Variants in POT1 observed in about 807,000 individuals in gnomAD.
POT1 encodes the protein protection of telomeres protein 1.
A neutral mutation model predicts 78.5 loss-of-function variants in POT1; 47 were observed. The observed-to-expected ratio is 0.60, with a 90% confidence interval of 0.47 to 0.76. The LOEUF is 0.76. Ranked by LOEUF, POT1 falls within the 30% of genes least tolerant of loss-of-function variation. The probability of loss-of-function intolerance (pLI) is 0.00; values close to 1 mark genes in which losing one functional copy is unlikely to be tolerated. For synonymous variants in POT1, 259 were observed against 260.7 expected (o/e 0.99, Z 0.06); for missense variants, 646 against 749.9 (o/e 0.86, Z 1.62).
chr7:124,869,823 C>T (rs552031152), intron 7 of POT1, among the ~76,000 whole-genome samples: 5 of 152,190 alleles, frequency 3.3e-5, no homozygotes, highest in South Asian at 4.2e-4. Flanking sequence ...TCAGGTGATC[C>T]GCCAGCATCA....
intron 5 of POT1, among the ~76,000 whole-genome samples, chr7:124,895,949 G>A (rs1444023892): frequency 1.3e-5 from 2 of 151,560 alleles, no homozygotes; most frequent in Non-Finnish European, 3.0e-5. Context: ...GACAATACAA[G>A]ATCAAATGAT....
At chr7:124,851,380 G>C (rs563539540) in intron 11 of POT1, among the ~76,000 whole-genome samples, 1 of 152,098 alleles carries the variant, frequency 6.6e-6, no homozygotes, top group African/African-American at 2.4e-5. Context: ...TTCAAGTTCA[G>C]ATTTGACTAG....
intron 6 of POT1, among the ~76,000 whole-genome samples, chr7:124,872,748 G>C (rs1795901864): frequency 6.6e-6 from 1 of 152,200 alleles, no homozygotes; most frequent in Admixed American, 6.5e-5. Flanking sequence ...CCAGTAGTGA[G>C]ATTATGGGAT....
chr7:124,887,319 CA>C (rs1796270271), intron 6 of POT1, among the ~76,000 whole-genome samples: 1 of 152,082 alleles, frequency 6.6e-6, no homozygotes, highest in Non-Finnish European at 1.5e-5. Flanking sequence ...GGATTTTCCA[CA>C]AAACATTCTT....
Position 124,829,303 on chromosome 7 carries a change from T to C in POT1, c.1545A>G (p.Leu515=), listed in dbSNP as rs1794704486. 5 of 1,604,362 alleles carry C rather than the reference T, an allele frequency of 3.1e-6. No homozygotes were observed. The highest frequency in any genetic ancestry group is 1.7e-5 in the Admixed American group (1 of 59,952). The change falls in exon 16 of 19, where the codon CTA becomes CTG. Residue 515 remains leucine (L), a synonymous_variant. Coordinates refer to ENST00000357628, the MANE Select transcript of POT1 (RefSeq NM_015450.3). ...ACGATGTTTTATCAACCAGGGAATT[T>C]AGATTTTGTATGGATCTCAAACTAG... is the stretch of plus-strand genomic sequence containing the variant. The part of the protein sequence containing the change: ...QCSSLRSIQN[L]NSLVDKTSWI...
At chr7:124,901,506 C>T (rs1204310833) in intron 3 of POT1, among the ~76,000 whole-genome samples, 1 of 152,116 alleles carries the variant, frequency 6.6e-6, no homozygotes, top group Non-Finnish European at 1.5e-5. Context: ...GACATCCACA[C>T]CAAAAACCCA....
intron 3 of POT1, among the ~76,000 whole-genome samples, chr7:124,914,028 G>A (rs1245388274): frequency 6.6e-6 from 1 of 151,626 alleles, no homozygotes; most frequent in Non-Finnish European, 1.5e-5. Flanking sequence ...CCAGCTACTC[G>A]GGAGGCTGAG....
chr7:124,827,573 T>C (rs1256894000), intron 16 of POT1, among the ~76,000 whole-genome samples: 4 of 152,174 alleles, frequency 2.6e-5, no homozygotes, highest in Non-Finnish European at 4.4e-5. Flanking sequence ...CTGCGCTGAT[T>C]GCTGTGGTGG....
chr7:124,926,027 C>A (rs547502790), intron 2 of POT1, among the ~76,000 whole-genome samples: 12 of 152,158 alleles, frequency 7.9e-5, no homozygotes, highest in Non-Finnish European at 1.6e-4. Context: ...AGGAAAAACT[C>A]TTCTAGATAT....
chr7:124,864,651 T>C (rs1015769681), intron 7 of POT1, among the ~76,000 whole-genome samples: 6 of 152,224 alleles, frequency 3.9e-5, no homozygotes, highest in Non-Finnish European at 8.8e-5. Flanking sequence ...CTATGTACTT[T>C]CTACTTTCCA....
At chr7:124,918,945 G>A (rs955005241) in intron 2 of POT1, among the ~76,000 whole-genome samples, 15 of 152,056 alleles carry the variant, frequency 9.9e-5, no homozygotes, top group Admixed American at 6.6e-4. Flanking sequence ...GGGAGGATGG[G>A]CAGGGAGTTA....
At chr7:124,854,224 C>G (rs917479555) in intron 9 of POT1, among the ~76,000 whole-genome samples, 1 of 151,836 alleles carries the variant, frequency 6.6e-6, no homozygotes, top group African/African-American at 2.4e-5. Context: ...AGTCTAAAAA[C>G]GAAATTCATT....
At chr7:124,904,427 C>T (rs1243859450) in intron 3 of POT1, among the ~76,000 whole-genome samples, 1 of 152,122 alleles carries the variant, frequency 6.6e-6, no homozygotes, top group Non-Finnish European at 1.5e-5. Flanking sequence ...CAGAAAAGGC[C>T]TTCAACAAAA....
intron 5 of POT1, among the ~76,000 whole-genome samples, chr7:124,894,757 CT>C (rs1465844617): frequency 6.6e-6 from 1 of 151,522 alleles, no homozygotes; most frequent in Non-Finnish European, 1.5e-5. Context: ...TAAAAAAGGA[CT>C]GTAGAGGGAC....
chr7:124,887,376 G>A (rs117554614), intron 6 of POT1, among the ~76,000 whole-genome samples: 2,277 of 152,026 alleles, frequency 0.015, 32 homozygotes, highest in Non-Finnish European at 0.022. Context: ...ACTTATCTCC[G>A]TATTTAATAG....
chr7:124,845,160 TAACA>T (rs1364923739), intron 12 of POT1, among the ~76,000 whole-genome samples: 1 of 152,222 alleles, frequency 6.6e-6, no homozygotes, highest in African/African-American at 2.4e-5. Context: ...TCGAATTAAT[TAACA>T]AACATTACTC....
At chr7:124,915,154 T>C (rs1256571339) in intron 3 of POT1, among the ~76,000 whole-genome samples, 1 of 152,164 alleles carries the variant, frequency 6.6e-6, no homozygotes, top group Admixed American at 6.6e-5. Flanking sequence ...TCAGTAGTTG[T>C]AGAATTTTGT....
chr7:124,891,331 TCTC>T (rs1279250883), intron 6 of POT1, among the ~76,000 whole-genome samples: 3 of 151,874 alleles, frequency 2.0e-5, no homozygotes, highest in Middle Eastern at 3.4e-3. Flanking sequence ...TATGGCCACT[TCTC>T]CTCTTTTGGT....
intron 1 of POT1, 118 bp from the exon 2 acceptor site, chr7:124,929,117 C>T (rs1563028139): frequency 6.6e-6 from 1 of 152,144 alleles, no homozygotes; most frequent in Non-Finnish European, 1.5e-5. Context: ...TGGGGGGTGA[C>T]AGGAGGATGG....
Sources: allele counts gnomAD v4.1 joint callset (sites outside exome capture counted in the v4.1 genomes callset), GRCh38; gene constraint gnomAD v4.1.1; transcripts MANE v1.5; gene names NCBI Gene and HGNC (gene_info 2026-07-23, HGNC 2026-07-21).